EREG: variants seen among roughly 807,000 people sequenced by gnomAD.
The protein encoded by EREG is proepiregulin.
Under a neutral mutation model 22.4 loss-of-function variants are expected in EREG, and 23 were observed. The observed-to-expected ratio is 1.03, with a 90% CI of 0.74 to 1.46. EREG has a LOEUF of 1.46. Among genes scored for constraint, EREG ranks in the 40% most tolerant of loss-of-function variants. The pLI is 0.00. For missense variants in EREG, 226 were observed against 205.9 expected, an observed-to-expected ratio of 1.10 and a Z score of -0.60; for synonymous variants, 100 against 75.4, an observed-to-expected ratio of 1.33 and a Z score of -1.69.
rs1219011471 is a variant in EREG, at chr4:74,382,732, C to T, written c.366C>T (p.Thr122=). 1 of 1,613,478 alleles carries T rather than the reference C, an allele frequency of 6.2e-7. No individual in the cohort carries two copies. Among genetic ancestry groups the T allele is most frequent in the Non-Finnish European group, 8.5e-7 (1 of 1,179,576 alleles). The change falls in exon 4 of 5, where the codon ACC becomes ACT. Residue 122 remains threonine, a synonymous_variant. Transcript: ENST00000244869. ...QPLSKEYVAL[T]VILIILFLIT... ...TAAGCAAAGAATATGTGGCTTTGACCGTGATTCTTATTATTTTGTTTCTTA... is the reference window on the plus strand; with the variant it reads ...TAAGCAAAGAATATGTGGCTTTGACTGTGATTCTTATTATTTTGTTTCTTA...
chr4:74,384,660 T>C (rs1192483820), intron 4 of EREG, 67 bp from the exon 5 acceptor site: 3 of 879,876 alleles, frequency 3.4e-6, no homozygotes, highest in African/African-American at 1.6e-5. Flanking sequence ...TTGGAGTCCA[T>C]ATATAACACA....
intron 2 of EREG, 73 bp downstream of exon 2, chr4:74,379,607 T>C (rs1315096155): frequency 1.1e-6 from 1 of 886,586 alleles, no homozygotes; most frequent in South Asian, 1.5e-5. Context: ...TCAAAGACTA[T>C]AAGTATGTGA....
chr4:74,382,605 T>C, intron 3 of EREG, 40 bp from the exon 4 acceptor site: 1 of 1,521,004 alleles, frequency 6.6e-7, no homozygotes, highest in Non-Finnish European at 8.9e-7. Context: ...GATTTCCTTT[T>C]TAAGTAACTG....
intron 1 of EREG, among the ~76,000 whole-genome samples, chr4:74,376,584 C>T (rs933940160): frequency 1.1e-4 from 16 of 152,160 alleles, no homozygotes; most frequent in African/African-American, 3.6e-4. Flanking sequence ...ACAATGAAAT[C>T]TAGGCTTTAG....
chr4:74,370,659 G>A (rs1406030146), intron 1 of EREG, among the ~76,000 whole-genome samples: 1 of 152,090 alleles, frequency 6.6e-6, no homozygotes, highest in Non-Finnish European at 1.5e-5. Flanking sequence ...GAGACAGAAA[G>A]AGAGGAAGAG....
At chr4:74,371,647 T>C (rs1752291671) in intron 1 of EREG, among the ~76,000 whole-genome samples, 1 of 152,234 alleles carries the variant, frequency 6.6e-6, no homozygotes, top group Non-Finnish European at 1.5e-5. Flanking sequence ...TATCTCCTCA[T>C]ATGACTTTCA....
Position 74,365,292 on chromosome 4 carries a change from G to T in EREG, c.-17G>T, listed in dbSNP as rs562007589. 11 of 1,598,888 alleles carry T rather than the reference G, an allele frequency of 6.9e-6. No individual in the cohort carries two copies. The highest frequency in any genetic ancestry group is 3.3e-5 in the South Asian group (3 of 90,826). ...CAGCCGCCCTCCGCCAAGCCCCAGC[G>T]CCCGCTCCCATCGCCGATGACCGCG... On this transcript the variant is annotated 5_prime_UTR_variant, in exon 1 of 5. Transcript: ENST00000244869.
Position 74,365,172 on chromosome 4 carries a change from G to C in EREG, c.-137G>C. The C allele has an allele frequency of 1.5e-6, 1 of 669,612 alleles. No individual in the cohort carries two copies. The allele number at this position is 669,612 out of a possible 1,614,324, so 41.5% of individuals were successfully genotyped here. On this transcript the variant is annotated 5_prime_UTR_variant, in exon 1 of 5. Coordinates refer to ENST00000244869, the MANE Select transcript of EREG (RefSeq NM_001432.3). ...TTGCCTGATATTTCCAGTGTCAGAG[G>C]GACACAGCCAACGTGGGGTCCCTTC...
Position 74,384,790 on chromosome 4 carries a change from A to G in EREG, c.492A>G (p.Pro164=), listed in dbSNP as rs1752542574. 6.2e-7 allele frequency: 1 copy of G among 1,612,682 alleles called. No individual in the cohort carries two copies. Among genetic ancestry groups the G allele is most frequent in the Non-Finnish European group, 8.5e-7 (1 of 1,178,784 alleles). ...KEYERVTSGD[P]ELPQV ...ATGAGAGAGTTACCTCAGGGGATCC[A>G]GAGTTGCCGCAAGTCTGAATGGCGC... Residue 164 remains proline, a synonymous_variant, in exon 5 of 5, where the codon CCA becomes CCG. Coordinates refer to ENST00000244869, the MANE Select transcript of EREG (RefSeq NM_001432.3).
rs755684768 is a variant in EREG, at chr4:74,365,285, C to T, written c.-24C>T. The T allele has an allele frequency of 9.4e-6, 15 of 1,594,808 alleles. No homozygotes were observed. The Admixed American group carries it at 1.7e-4, about 18-fold the overall frequency. On this transcript the variant is annotated 5_prime_UTR_variant, in exon 1 of 5. Coordinates refer to ENST00000244869, the MANE Select transcript of EREG (RefSeq NM_001432.3). ...CTCTCCGCAGCCGCCCTCCGCCAAGCCCCAGCGCCCGCTCCCATCGCCGAT... is the reference window on the plus strand; with the variant it reads ...CTCTCCGCAGCCGCCCTCCGCCAAGTCCCAGCGCCCGCTCCCATCGCCGAT...
Position 74,381,116 on chromosome 4 carries a change from A to G in EREG, c.257A>G (p.Asp86Gly), listed in dbSNP as rs1237487058. The G allele has an allele frequency of 2.5e-6, 4 of 1,612,606 alleles. No individual in the cohort carries two copies. Among genetic ancestry groups the G allele is most frequent in the Non-Finnish European group, 3.4e-6 (4 of 1,179,518 alleles). Residue 86 changes from aspartate to glycine, a missense_variant, in exon 3 of 5, where the codon GAC (aspartate) becomes GGC (glycine). By Grantham distance (94) the Asp-to-Gly change is moderately conservative (BLOSUM62 -1). Coordinates refer to ENST00000244869, the MANE Select transcript of EREG (RefSeq NM_001432.3). ...CLHGQCIYLV[D>G]MSQNYCRCEV... ...CATGGACAGTGCATCTATCTGGTGG[A>G]CATGAGTCAAAACTACTGCAGGTAA...
At chr4:74,376,027 G>A (rs1469492646) in intron 1 of EREG, among the ~76,000 whole-genome samples, 1 of 152,196 alleles carries the variant, frequency 6.6e-6, no homozygotes, top group Admixed American at 6.5e-5. Context: ...AGTCTTTGTG[G>A]AGGCACACCC....
At chr4:74,365,665 C>T (rs1204153030) in intron 1 of EREG, among the ~76,000 whole-genome samples, 12 of 139,098 alleles carry the variant, frequency 8.6e-5, no homozygotes, top group South Asian at 2.3e-4. Flanking sequence ...GTTGAAAAAG[C>T]TTTTTTTTTT....
At chr4:74,366,459 G>C (rs1752186097) in intron 1 of EREG, among the ~76,000 whole-genome samples, 1 of 152,168 alleles carries the variant, frequency 6.6e-6, no homozygotes, top group South Asian at 2.1e-4. Context: ...AACACAAGTG[G>C]AAACTAGATA....
rs188375946 is a variant in EREG, at chr4:74,385,936, G to T, written c.*1128G>T. ...GGGAAAAAACTTAAAAATTAATATGGTGTATTTTTCCAAATGAAAAATCTC... is the reference window on the plus strand; with the variant it reads ...GGGAAAAAACTTAAAAATTAATATGTTGTATTTTTCCAAATGAAAAATCTC... On this transcript the variant is annotated 3_prime_UTR_variant, in exon 5 of 5. Coordinates refer to ENST00000244869, the MANE Select transcript of EREG (RefSeq NM_001432.3). The T allele has an allele frequency of 9.9e-5, 39 of 393,476 alleles. No individual in the cohort carries two copies. The Admixed American group carries it at 1.6e-3, about 17-fold the overall frequency. 24.4% of individuals were successfully genotyped at this position (393,476 alleles called of 1,614,324 possible). A position where few individuals can be genotyped will look rare whatever the true frequency, so the allele number is the denominator to read the frequency against.
At chr4:74,382,442 ATAC>A in intron 3 of EREG, 200 bp from the exon 4 acceptor site, 1 of 457,544 alleles carries the variant, frequency 2.2e-6, no homozygotes, top group Non-Finnish European at 3.9e-6. Flanking sequence ...CGTCATTTTA[ATAC>A]TACAATTTAG....
chr4:74,377,405 T>C (rs1218589853), intron 1 of EREG, among the ~76,000 whole-genome samples: 1 of 152,208 alleles, frequency 6.6e-6, no homozygotes, highest in African/African-American at 2.4e-5. Context: ...TTATTGCCTA[T>C]TTCCAAATTC....
At position 74,384,738 on chromosome 4, in the gene EREG, GA is replaced by G; in HGVS notation, c.445del (p.Ser149ValfsTer32). The G allele has an allele frequency of 6.2e-7, 1 of 1,610,534 alleles. No homozygotes were observed. The highest frequency in any genetic ancestry group is 8.5e-7 in the Non-Finnish European group (1 of 1,177,118). The stretch of plus-strand genomic sequence containing the variant: ...GTGAATATTTCCAGGTACAGAAATC[GA>G]AAAAGTAAAGAACCAAAGAAGGAAT... ...TYYFCRWYRN[R>X]KSKEPKKEYE... On this transcript the variant is annotated frameshift_variant, in exon 5 of 5. Transcript: ENST00000244869. LOFTEE classifies it high-confidence loss of function.
At position 74,388,490 on chromosome 4, in the gene EREG, C is replaced by A. The variant is rs933666204; in HGVS notation, c.*3682C>A. ...AAGTTTGAAGAGCCATTTTGGTAAA[C>A]GGTTTTTATTAAAGATGCTATGGAA... is the stretch of plus-strand genomic sequence containing the variant. On this transcript the variant is annotated 3_prime_UTR_variant, in exon 5 of 5. Transcript: ENST00000244869. 2 of 152,368 alleles carry A rather than the reference C, an allele frequency of 1.3e-5. No homozygotes were observed. Among genetic ancestry groups the A allele is most frequent in the African/African-American group, 4.8e-5 (2 of 41,358 alleles). 9.4% of individuals were successfully genotyped at this position (152,368 alleles called of 1,614,324 possible). A position where few individuals can be genotyped will look rare whatever the true frequency, so the allele number is the denominator to read the frequency against.
Sources: gnomAD v4.1 joint callset for allele counts (sites outside exome capture counted in the v4.1 genomes callset) on GRCh38, gnomAD v4.1.1 for gene constraint, MANE v1.5 for transcripts, NCBI Gene and HGNC (gene_info 2026-07-23, HGNC 2026-07-21) for gene names.